The following VWA3A variants were observed in gnomAD, a reference collection of about 807,000 sequenced individuals.
VWA3A encodes the protein von Willebrand factor A domain containing 3A.
Under a neutral mutation model 160.4 loss-of-function variants are expected in VWA3A, and 134 were observed. The ratio of observed to expected loss-of-function variants is 0.84; its 90% confidence interval spans 0.73 to 0.96. The LOEUF (loss-of-function observed/expected upper bound fraction) is 0.96. VWA3A is among the 40% of genes least tolerant of loss of function. The probability of loss-of-function intolerance (pLI) is 0.00; values close to 1 mark genes in which losing one functional copy is unlikely to be tolerated. For missense variants in VWA3A, 1,310 were observed against 1,447.9 expected (o/e 0.90, Z 1.55); for synonymous variants, 476 against 543.4 (o/e 0.88, Z 1.72).
At chr16:22,130,867 AT>A (rs2045934311) in intron 17 of VWA3A, among the ~76,000 whole-genome samples, 1 of 117,116 alleles carries the variant, frequency 8.5e-6, no homozygotes, top group African/African-American at 5.2e-5. Context: ...ATAGATGTGT[AT>A]TTAAAAAAAA....
At chr16:22,110,386 G>T (rs1192958948) in intron 7 of VWA3A, among the ~76,000 whole-genome samples, 1 of 152,178 alleles carries the variant, frequency 6.6e-6, no homozygotes, top group Admixed American at 6.5e-5. Context: ...CTCCAGACTT[G>T]TCCCCTGTTC....
intron 5 of VWA3A, 135 bp downstream of exon 5, chr16:22,100,628 A>T (rs990087832): frequency 3.7e-6 from 3 of 813,962 alleles, no homozygotes; most frequent in African/African-American, 3.4e-5. Flanking sequence ...TGAGGTCAAG[A>T]GTTTGAAACC....
chr16:22,095,055 T>C (rs780110355), intron 1 of VWA3A, among the ~76,000 whole-genome samples: 8 of 151,878 alleles, frequency 5.3e-5, no homozygotes, highest in Non-Finnish European at 5.9e-5. Flanking sequence ...TGTCTGCCAG[T>C]CCCTGCTCTT....
chr16:22,150,812 A>G lies in VWA3A; in HGVS notation c.3247A>G (p.Lys1083Glu), dbSNP rs1188872969. Residue 1083 changes from lysine (K) to glutamate (E), a missense_variant, in exon 30 of 34, where the codon AAA becomes GAA. Coordinates refer to ENST00000389398, the MANE Select transcript of VWA3A (RefSeq NM_173615.5). The part of the protein sequence containing the change: ...VQKLREKRDV[K>E]VHTISLNCSD... ...AAAACTCAGGGAGAAAAGAGATGTG[A>G]AAGTGCACACCATTTCCTTGAACTG... The G allele has an allele frequency of 6.2e-7, 1 of 1,613,632 alleles. No individual in the cohort carries two copies. Among genetic ancestry groups the G allele is most frequent in the Non-Finnish European group, 8.5e-7 (1 of 1,179,750 alleles).
chr16:22,096,680 GGCTACAGTGA>G (rs2045328295), intron 1 of VWA3A, among the ~76,000 whole-genome samples, 169 bp from the exon 2 acceptor site: 1 of 152,080 alleles, frequency 6.6e-6, no homozygotes. Flanking sequence ...GGGAGGTCAA[GGCTACAGTGA>G]GCCATGATTG....
At position 22,134,402 on chromosome 16, in the gene VWA3A, G is replaced by A; in HGVS notation, c.2103G>A (p.Met701Ile). The stretch of plus-strand genomic sequence containing the variant: ...AGAGCGATGACATCAACTCCATCAT[G>A]TCTGAGATGGAAAAGGCTCTCAACT... Reference protein sequence around the residue: ...IYESDDINSIMSEMEKALNYS... With the variant: ...IYESDDINSIISEMEKALNYS... The change falls in exon 21 of 34, where the codon ATG (methionine) becomes ATA (isoleucine). Residue 701 changes from methionine to isoleucine, a missense_variant. Met to Ile is a conservative substitution (Grantham distance 10). Transcript: ENST00000389398. The A allele has an allele frequency of 1.3e-6, 2 of 1,599,262 alleles. No individual in the cohort carries two copies. Among genetic ancestry groups the A allele is most frequent in the Non-Finnish European group, 8.5e-7 (1 of 1,172,480 alleles).
At chr16:22,155,102 C>T (rs2046418688) in intron 31 of VWA3A, among the ~76,000 whole-genome samples, 1 of 151,502 alleles carries the variant, frequency 6.6e-6, no homozygotes, top group Non-Finnish European at 1.5e-5. Context: ...TACAGTGAGC[C>T]GTGATCACGC....
chr16:22,153,934 T>A (rs953177185), intron 31 of VWA3A, among the ~76,000 whole-genome samples: 1 of 151,912 alleles, frequency 6.6e-6, no homozygotes, highest in Non-Finnish European at 1.5e-5. Flanking sequence ...AAACAGGATC[T>A]CACCATGTTG....
intron 26 of VWA3A, among the ~76,000 whole-genome samples, 156 bp downstream of exon 26, chr16:22,144,540 TC>T (rs757876302): frequency 3.4e-4 from 52 of 151,988 alleles, no homozygotes; most frequent in Non-Finnish European, 6.3e-4. Context: ...AGATGCAAAA[TC>T]CTGTTGGAAG....
intron 12 of VWA3A, 87 bp from the exon 13 acceptor site, chr16:22,120,881 T>C (rs2045721318): frequency 6.6e-7 from 1 of 1,515,234 alleles, no homozygotes; most frequent in Non-Finnish European, 9.0e-7. Flanking sequence ...GAAGCTCCAC[T>C]TGCATTGACT....
Position 22,152,548 on chromosome 16 carries a change from A to G in VWA3A, c.3319A>G (p.Thr1107Ala). The G allele has an allele frequency of 1.9e-6, 3 of 1,612,660 alleles. No homozygotes were observed. The Admixed American group carries it at 5.0e-5, about 27-fold the overall frequency. The change falls in exon 31 of 34, where the codon ACC becomes GCC. Residue 1107 changes from threonine to alanine, a missense_variant. Transcript: ENST00000389398. ...VEFLRKLASFTGGRYHCPVGE... is the reference protein window; with the variant it reads ...VEFLRKLASFAGGRYHCPVGE... ...GTTCCTGAGAAAGCTGGCTTCCTTC[A>G]CCGGCGGACGCTATCACTGCCCTGT...
At chr16:22,095,404 G>A (rs2045301958) in intron 1 of VWA3A, among the ~76,000 whole-genome samples, 1 of 152,172 alleles carries the variant, frequency 6.6e-6, no homozygotes, top group African/African-American at 2.4e-5. Flanking sequence ...GTGGTGAAGT[G>A]GGAAATCTAG....
intron 28 of VWA3A, among the ~76,000 whole-genome samples, chr16:22,149,285 G>C (rs2046306992): frequency 6.6e-6 from 1 of 152,158 alleles, no homozygotes; most frequent in Non-Finnish European, 1.5e-5. Flanking sequence ...TGTCTCCCAG[G>C]CTGGAGTGCA....
chr16:22,121,601 C>A lies in VWA3A; in HGVS notation c.1340C>A (p.Ser447Ter), dbSNP rs1249363653. ...GTACCTATTCTCCAGAAAACAGTAT[C>A]ATCGACCATCCATGAGGTAATTCAG... is the stretch of plus-strand genomic sequence containing the variant. The part of the protein sequence containing the change: ...EFVPILQKTV[S>*]STIHEKAMIQ... Residue 447 changes from serine (S) to a stop codon, truncating the protein, a stop_gained, in exon 14 of 34, where the codon TCA becomes TAA. Coordinates refer to ENST00000389398, the MANE Select transcript of VWA3A (RefSeq NM_173615.5). LOFTEE classifies it high-confidence loss of function. The A allele has an allele frequency of 1.2e-6, 2 of 1,612,154 alleles. No homozygotes were observed. Among genetic ancestry groups the A allele is most frequent in the South Asian group, 1.1e-5 (1 of 91,048 alleles).
rs754935116 is a variant in VWA3A at position 22,123,708 on chromosome 16, G to A, written c.1532+1G>A. On this transcript the variant is annotated splice_donor_variant, in intron 16 of 33. Coordinates refer to ENST00000389398, the MANE Select transcript of VWA3A (RefSeq NM_173615.5). LOFTEE classifies it high-confidence loss of function. Reference sequence around the variant, plus strand: ...TCTGGGGCACAGTCTGTGAAAAAAGGTACCTTTCTTAAGCAGGGTTCTTAT... The same window carrying A: ...TCTGGGGCACAGTCTGTGAAAAAAGATACCTTTCTTAAGCAGGGTTCTTAT... The A allele has an allele frequency of 4.3e-6, 7 of 1,613,154 alleles. No individual in the cohort carries two copies. Among genetic ancestry groups the A allele is most frequent in the East Asian group, 2.2e-5 (1 of 44,860 alleles).
chr16:22,095,540 C>G (rs948559348), intron 1 of VWA3A, among the ~76,000 whole-genome samples: 1 of 152,024 alleles, frequency 6.6e-6, no homozygotes, highest in Admixed American at 6.6e-5. Context: ...GGGGGTGTAA[C>G]ATTGGATTTG....
chr16:22,144,514 C>T, intron 26 of VWA3A, 130 bp downstream of exon 26: 1 of 1,322,134 alleles, frequency 7.6e-7, no homozygotes. Flanking sequence ...AAGTGGGACT[C>T]CCCTCACCAA....
At chr16:22,131,120 C>A (rs917340787) in intron 17 of VWA3A, 85 bp from the exon 18 acceptor site, 1 of 1,254,306 alleles carries the variant, frequency 8.0e-7, no homozygotes, top group Non-Finnish European at 1.1e-6. Flanking sequence ...ATTTTGTCCC[C>A]ACTAAAAGCC....
chr16:22,120,880 C>T (rs1379793947), intron 12 of VWA3A, 88 bp from the exon 13 acceptor site: 2 of 1,520,416 alleles, frequency 1.3e-6, no homozygotes, highest in African/African-American at 1.4e-5. Flanking sequence ...AGAAGCTCCA[C>T]TTGCATTGAC....
Sources: gnomAD v4.1 joint callset for allele counts (sites outside exome capture counted in the v4.1 genomes callset) on GRCh38, gnomAD v4.1.1 for gene constraint, MANE v1.5 for transcripts, NCBI Gene and HGNC (gene_info 2026-07-23, HGNC 2026-07-21) for gene names.